The following RBFOX1 variants were observed in gnomAD, a reference collection of about 807,000 sequenced individuals.
The protein encoded by RBFOX1 is RNA binding fox-1 homolog 1, also known as RNA binding protein fox-1 homolog 1.
RBFOX1 carries 8 observed loss-of-function variants against 57.7 expected under a neutral mutation model. The observed-to-expected ratio is 0.14, with a 90% CI of 0.08 to 0.25. RBFOX1 has a LOEUF of 0.25. RBFOX1 is among the 10% of genes least tolerant of loss of function. RBFOX1 has a pLI of 1.00. For missense variants in RBFOX1, 611 were observed against 548.5 expected (o/e 1.11, Z -1.14); for synonymous variants, 326 against 222.4 (o/e 1.47, Z -4.15).
intron 4 of RBFOX1, among the ~76,000 whole-genome samples, chr16:7,216,594 G>T (rs1274287394): frequency 1.3e-5 from 2 of 152,112 alleles, no homozygotes; most frequent in African/African-American, 2.4e-5. Context: ...GGAGGTAGAG[G>T]TTGCAGTGAG....
chr16:6,325,997 C>A (rs1482408819), intron 2 of RBFOX1, among the ~76,000 whole-genome samples: 1 of 152,190 alleles, frequency 6.6e-6, no homozygotes, highest in Non-Finnish European at 1.5e-5. Context: ...GATGTCCTCT[C>A]CCACTGACTG....
intron 3 of RBFOX1, among the ~76,000 whole-genome samples, chr16:5,640,736 G>A (rs1486103573): frequency 2.1e-5 from 3 of 146,160 alleles, no homozygotes; most frequent in Non-Finnish European, 4.5e-5. Flanking sequence ...AGAAACCCAT[G>A]CACATACACA....
chr16:6,434,859 A>C (rs2094191436), intron 2 of RBFOX1, among the ~76,000 whole-genome samples: 3 of 152,192 alleles, frequency 2.0e-5, no homozygotes. Flanking sequence ...TTTGGCATTT[A>C]CTGAGTTATT....
chr16:5,512,063 A>G (rs1467294878), intron 2 of RBFOX1, among the ~76,000 whole-genome samples: 1 of 152,270 alleles, frequency 6.6e-6, no homozygotes, highest in Non-Finnish European at 1.5e-5. Context: ...AGATGGATGC[A>G]CACGGTGGCA....
At chr16:7,124,963 G>C (rs1189725071) in intron 4 of RBFOX1, among the ~76,000 whole-genome samples, 1 of 152,114 alleles carries the variant, frequency 6.6e-6, no homozygotes, top group Non-Finnish European at 1.5e-5. Flanking sequence ...CAATTCACAG[G>C]ACTGGAAAGT....
chr16:5,992,985 C>G (rs2060427142), intron 4 of RBFOX1, among the ~76,000 whole-genome samples: 1 of 152,138 alleles, frequency 6.6e-6, no homozygotes, highest in Non-Finnish European at 1.5e-5. Flanking sequence ...CATCTGCCGA[C>G]TTGAGTCAGT....
intron 1 of RBFOX1, among the ~76,000 whole-genome samples, chr16:6,197,736 C>T (rs905946096): frequency 6.6e-6 from 1 of 151,746 alleles, no homozygotes; most frequent in Non-Finnish European, 1.5e-5. Flanking sequence ...ATTATTGCGT[C>T]ACCCAGGTAT....
rs1199135544 is a variant in RBFOX1, at chr16:7,518,157, A to G, written c.38A>G (p.Glu13Gly). The G allele has an allele frequency of 6.2e-7, 1 of 1,610,564 alleles. No individual in the cohort carries two copies. The highest frequency in any genetic ancestry group is 1.3e-5 in the African/African-American group (1 of 74,752). The stretch of plus-strand genomic sequence containing the variant: ...TTTTTGATTTTTCAGGGTAATCAGG[A>G]AGCAGCCGCTGCCCCTGACACAATG... Reference protein sequence around the residue: ...CEREQLRGNQEAAAAPDTMAQ... With the variant: ...CEREQLRGNQGAAAAPDTMAQ... The change falls in exon 5 of 16, where the codon GAA (glutamate) becomes GGA (glycine). Residue 13 changes from glutamate (E) to glycine (G), a missense_variant. Physicochemically the swap from Glu to Gly is moderately conservative, Grantham distance 98. Transcript: ENST00000550418.
intron 4 of RBFOX1, among the ~76,000 whole-genome samples, chr16:5,950,964 G>C (rs1398237532): frequency 6.6e-6 from 1 of 152,086 alleles, no homozygotes; most frequent in Non-Finnish European, 1.5e-5. Flanking sequence ...GTGACACTGG[G>C]TGTTCAGCTC....
intron 3 of RBFOX1, among the ~76,000 whole-genome samples, chr16:6,983,114 AG>A (rs2089384717): frequency 6.6e-6 from 1 of 151,598 alleles, no homozygotes; most frequent in Non-Finnish European, 1.5e-5. Flanking sequence ...ACAGTTTTCC[AG>A]ATACCAAAAC....
chr16:6,434,300 T>A (rs2094176622), intron 2 of RBFOX1, among the ~76,000 whole-genome samples: 1 of 152,116 alleles, frequency 6.6e-6, no homozygotes, highest in Non-Finnish European at 1.5e-5. Flanking sequence ...GACATGGACG[T>A]CTTTGAGAAA....
intron 14 of RBFOX1, among the ~76,000 whole-genome samples, chr16:7,683,584 G>A (rs1449892179): frequency 6.6e-6 from 1 of 151,838 alleles, no homozygotes; most frequent in Non-Finnish European, 1.5e-5. Flanking sequence ...CACGTGGGTA[G>A]ACACTTTTGC....
intron 1 of RBFOX1, among the ~76,000 whole-genome samples, chr16:6,042,426 G>A (rs907865992): frequency 3.9e-5 from 6 of 152,034 alleles, no homozygotes; most frequent in African/African-American, 1.2e-4. Flanking sequence ...AAGGTTCTCC[G>A]TGATTATACT....
At chr16:5,839,015 T>G (rs1025322442) in intron 3 of RBFOX1, among the ~76,000 whole-genome samples, 7 of 151,940 alleles carry the variant, frequency 4.6e-5, no homozygotes, top group Non-Finnish European at 1.0e-4. Context: ...CGCTGGGGAG[T>G]GCTCCTGGCA....
chr16:7,599,375 C>T (rs1191826903), intron 9 of RBFOX1, among the ~76,000 whole-genome samples: 2 of 152,208 alleles, frequency 1.3e-5, no homozygotes, highest in Non-Finnish European at 2.9e-5. Flanking sequence ...CCAAATATTT[C>T]ATAAGCCATG....
intron 3 of RBFOX1, among the ~76,000 whole-genome samples, chr16:6,902,142 A>T (rs1389030487): frequency 1.3e-5 from 2 of 152,178 alleles, no homozygotes; most frequent in Non-Finnish European, 2.9e-5. Flanking sequence ...GGAACTTGGT[A>T]GGTGGTGCTT....
chr16:7,609,519 G>A (rs1446100597), intron 10 of RBFOX1, among the ~76,000 whole-genome samples: 1 of 152,084 alleles, frequency 6.6e-6, no homozygotes, highest in East Asian at 1.9e-4. Flanking sequence ...TTAGCCCAGG[G>A]CCCAGGTTCA....
At chr16:7,082,059 A>G (rs1187981475) in intron 4 of RBFOX1, among the ~76,000 whole-genome samples, 2 of 152,154 alleles carry the variant, frequency 1.3e-5, no homozygotes, top group Non-Finnish European at 2.9e-5. Flanking sequence ...GTTCATAGTG[A>G]TGGTCGGTGG....
intron 2 of RBFOX1, chr16:5,598,752 C>T (rs903819942): frequency 7.8e-6 from 5 of 644,918 alleles, no homozygotes; most frequent in African/African-American, 5.5e-5. Flanking sequence ...GTCTTGACCC[C>T]TGCAGGGGAT....
Sources: gnomAD v4.1 joint callset for allele counts (sites outside exome capture counted in the v4.1 genomes callset) on GRCh38, gnomAD v4.1.1 for gene constraint, MANE v1.5 for transcripts, NCBI Gene and HGNC (gene_info 2026-07-23, HGNC 2026-07-21) for gene names.